MDGA2: variants seen among roughly 807,000 people sequenced by gnomAD.
The protein encoded by MDGA2 is MAM domain-containing glycosylphosphatidylinositol anchor protein 2.
MDGA2 carries 40 observed loss-of-function variants against 117.8 expected under a neutral mutation model. The observed-to-expected ratio is 0.34, with a 90% CI of 0.26 to 0.44. The LOEUF is 0.44. MDGA2 is among the 20% of genes least tolerant of loss of function. The probability of loss-of-function intolerance (pLI) is 1.00; values close to 1 mark genes in which losing one functional copy is unlikely to be tolerated. For synonymous variants in MDGA2, 452 were observed against 439.0 expected (o/e 1.03, Z -0.37); for missense variants, 1,123 against 1,250.6 (o/e 0.90, Z 1.54).
At chr14:47,548,777 G>A (rs1323207275) in intron 1 of MDGA2, among the ~76,000 whole-genome samples, 4 of 151,804 alleles carry the variant, frequency 2.6e-5, no homozygotes, top group Non-Finnish European at 4.4e-5. Flanking sequence ...ACATGCCTGC[G>A]GCCTTCTAGA....
In MDGA2 at chr14:47,116,047, GA is replaced by G. The variant is rs1881312593; in HGVS notation, c.925+15666del. Among the ~76,000 whole-genome samples the G allele has an allele frequency of 3.3e-5, 5 of 151,890 alleles. No individual in the cohort carries two copies. The South Asian group carries it at 8.3e-4, about 25-fold the overall frequency. On this transcript the variant is annotated intron_variant, in intron 5 of 16. Coordinates refer to ENST00000399232, the MANE Select transcript of MDGA2 (RefSeq NM_001113498.3). ...TTATAGTAAGCCCTAAAAACTCTAT[GA>G]AAAAATACTTCAGGAAAATTGCAGG...
intron 6 of MDGA2, among the ~76,000 whole-genome samples, chr14:47,082,726 A>T (rs1890753427): frequency 6.6e-6 from 1 of 152,090 alleles, no homozygotes; most frequent in African/African-American, 2.4e-5. Context: ...AAAGAAAAAT[A>T]TAGCAAAGCC....
intron 1 of MDGA2, among the ~76,000 whole-genome samples, chr14:47,557,102 T>C (rs888956201): frequency 3.3e-5 from 5 of 152,202 alleles, no homozygotes; most frequent in African/African-American, 7.2e-5. Context: ...CCAGGGCGCA[T>C]AGTTCATTTT....
intron 7 of MDGA2, among the ~76,000 whole-genome samples, chr14:47,049,141 C>T (rs527613634): frequency 1.3e-5 from 2 of 152,154 alleles, no homozygotes; most frequent in South Asian, 2.1e-4. Context: ...GGACTACTTA[C>T]GTTTCATTTA....
intron 9 of MDGA2, among the ~76,000 whole-genome samples, chr14:46,932,432 C>G (rs11851043): frequency 0.02 from 3,010 of 151,942 alleles, 97 homozygotes; most frequent in African/African-American, 0.068. Flanking sequence ...AAAATATATA[C>G]TTGAAAAGTT....
chr14:47,367,283 T>C (rs1203549269), intron 1 of MDGA2, among the ~76,000 whole-genome samples: 1 of 152,210 alleles, frequency 6.6e-6, no homozygotes, highest in East Asian at 1.9e-4. Context: ...TTTGGAATTT[T>C]CTAAACAATT....
chr14:47,146,017 A>C (rs1882928958), intron 3 of MDGA2, among the ~76,000 whole-genome samples: 1 of 152,126 alleles, frequency 6.6e-6, no homozygotes, highest in Admixed American at 6.6e-5. Flanking sequence ...CCTGGAAATA[A>C]CCTACAGTAT....
At chr14:47,145,735 C>G (rs1882916911) in intron 3 of MDGA2, among the ~76,000 whole-genome samples, 1 of 152,038 alleles carries the variant, frequency 6.6e-6, no homozygotes, top group Non-Finnish European at 1.5e-5. Context: ...CCATAAAGCC[C>G]TGGACACATA....
intron 1 of MDGA2, among the ~76,000 whole-genome samples, chr14:47,411,096 G>C (rs920621888): frequency 1.3e-5 from 2 of 152,110 alleles, no homozygotes; most frequent in African/African-American, 2.4e-5. Context: ...GTTTATGAGG[G>C]AGGAAAAGTA....
Position 46,884,779 on chromosome 14 carries a change from C to T in MDGA2, c.2239-2558G>A, listed in dbSNP as rs904850709. 2.0e-5 allele frequency among the ~76,000 whole-genome samples: 3 copies of T among 151,836 alleles called. No homozygotes were observed. The highest frequency in any genetic ancestry group is 7.3e-5 in the African/African-American group (3 of 41,324). On this transcript the variant is annotated intron_variant, in intron 10 of 16. Transcript: ENST00000399232. The surrounding 1 kb of genome is among the most constrained non-coding windows in gnomAD (Gnocchi z 4.1). ...GAGTATTAAACAATTAAATTTAAAA[C>T]ATACAATTTAAATCAGTTAGGAAAA...
chr14:46,912,101 T>C (rs1333319078), intron 10 of MDGA2, among the ~76,000 whole-genome samples: 4 of 152,170 alleles, frequency 2.6e-5, no homozygotes, highest in Non-Finnish European at 5.9e-5. Context: ...GCAATCTCCA[T>C]ACAGATAGTG....
chr14:46,969,772 C>G (rs955598309), intron 8 of MDGA2, among the ~76,000 whole-genome samples: 2 of 150,916 alleles, frequency 1.3e-5, no homozygotes, highest in Non-Finnish European at 2.9e-5. Context: ...CATCACACAC[C>G]GGGGCCCGTT....
chr14:47,520,485 T>G (rs1428392383), intron 1 of MDGA2, among the ~76,000 whole-genome samples: 1 of 152,188 alleles, frequency 6.6e-6, no homozygotes, highest in African/African-American at 2.4e-5. Flanking sequence ...CCATGTGAAC[T>G]TCCTAACGTA....
rs1474402356 is a variant in MDGA2, at chr14:46,981,202, G to A, written c.1820-23559C>T. Among the ~76,000 whole-genome samples the A allele has an allele frequency of 9.9e-5, 15 of 151,466 alleles. No individual in the cohort carries two copies. In the East Asian group the frequency reaches 2.9e-3, roughly 29 times the overall value. On this transcript the variant is annotated intron_variant, in intron 8 of 16. Transcript: ENST00000399232. ...GGGCGGATCATGAGGTCAGGAGTTC[G>A]AGGCTAGCCTGACCAACATGGTGAA...
chr14:47,670,433 T>C (rs573557840), intron 1 of MDGA2, among the ~76,000 whole-genome samples: 5 of 152,300 alleles, frequency 3.3e-5, no homozygotes, highest in African/African-American at 1.2e-4. Context: ...GTACTTCTTC[T>C]TTTTTTAGCA....
intron 1 of MDGA2, among the ~76,000 whole-genome samples, chr14:47,598,728 GA>G (rs1308493282): frequency 1.3e-5 from 2 of 152,132 alleles, no homozygotes; most frequent in African/African-American, 4.8e-5. Context: ...GATAATTTCT[GA>G]AAAGATTTGG....
intron 10 of MDGA2, among the ~76,000 whole-genome samples, chr14:46,908,737 T>A (rs1244289339): frequency 6.6e-6 from 1 of 152,192 alleles, no homozygotes. Context: ...CTTTAGGTAA[T>A]TTACCTTACC....
At chr14:47,016,914 T>C (rs1888103752) in intron 8 of MDGA2, among the ~76,000 whole-genome samples, 1 of 151,830 alleles carries the variant, frequency 6.6e-6, no homozygotes, top group Middle Eastern at 3.4e-3. Context: ...AAAATATTTT[T>C]ATATCTCTTA....
intron 1 of MDGA2, among the ~76,000 whole-genome samples, chr14:47,626,782 G>A (rs1162309954): frequency 2.6e-5 from 4 of 152,204 alleles, no homozygotes; most frequent in Admixed American, 6.5e-5. Context: ...AGCCCGCCAT[G>A]CCTGAGCATC....
Sources: gnomAD v4.1 joint callset for allele counts (sites outside exome capture counted in the v4.1 genomes callset) on GRCh38, gnomAD v4.1.1 for gene constraint, Gnocchi (gnomAD v3.1) non-coding constraint, MANE v1.5 for transcripts, NCBI Gene and HGNC (gene_info 2026-07-23, HGNC 2026-07-21) for gene names.